Variants in TBC1D32 observed in about 807,000 individuals in gnomAD.
The protein encoded by TBC1D32 is protein broad-minded.
In TBC1D32, 151 loss-of-function variants were observed where a neutral mutation model predicts 170.3. The ratio of observed to expected loss-of-function variants is 0.89; its 90% confidence interval spans 0.78 to 1.01. The LOEUF (loss-of-function observed/expected upper bound fraction) is 1.01. TBC1D32 is among the 50% of genes least tolerant of loss of function. TBC1D32 has a pLI of 0.00. For synonymous variants in TBC1D32, 498 were observed against 488.0 expected, an observed-to-expected ratio of 1.02 and a Z score of -0.27; for missense variants, 1,464 against 1,457.1, an observed-to-expected ratio of 1.00 and a Z score of -0.08.
At chr6:121,235,710 TC>T (rs1028732933) in intron 20 of TBC1D32, among the ~76,000 whole-genome samples, 3 of 152,214 alleles carry the variant, frequency 2.0e-5, no homozygotes, top group African/African-American at 7.2e-5. Flanking sequence ...ACTCAGTTTT[TC>T]CACATCTCAG....
intron 28 of TBC1D32, 130 bp from the exon 29 acceptor site, chr6:121,112,789 T>C: frequency 1.1e-6 from 1 of 901,276 alleles, no homozygotes; most frequent in Non-Finnish European, 1.6e-6. Flanking sequence ...AAACTTAGTT[T>C]TTAAATATTC....
chr6:121,091,045 TA>T lies in TBC1D32; in HGVS notation c.3466-5del, dbSNP rs397887772. The T allele has an allele frequency of 9.4e-3, 11,458 of 1,216,078 alleles. No individual in the cohort carries two copies. The highest frequency in any genetic ancestry group is 0.019 in the South Asian group (1,146 of 61,232). The allele number at this position is 1,216,078 out of a possible 1,614,324, so 75.3% of individuals were successfully genotyped here. On this transcript the variant is annotated splice_polypyrimidine_tract_variant and splice_region_variant and intron_variant, in intron 30 of 31. Transcript: ENST00000398212. ...GGGTTATCCATTGCAGGCAAATCTT[TA>T]AAAAAAAAAAGTAGTAAGTTCATTA...
At chr6:121,082,070 T>C (rs1225815149) in intron 31 of TBC1D32, among the ~76,000 whole-genome samples, 1 of 152,090 alleles carries the variant, frequency 6.6e-6, no homozygotes, top group African/African-American at 2.4e-5. Context: ...AATTGTGAAA[T>C]TATTTCAATC....
chr6:121,317,419 G>T, intron 3 of TBC1D32, 76 bp downstream of exon 3: 2 of 1,190,852 alleles, frequency 1.7e-6, no homozygotes, highest in South Asian at 2.3e-5. Context: ...GAAAAATATG[G>T]CTAAGAAATA....
chr6:121,200,484 A>T (rs9401378), intron 22 of TBC1D32, among the ~76,000 whole-genome samples: 1 of 151,336 alleles, frequency 6.6e-6, no homozygotes, highest in African/African-American at 2.5e-5. Context: ...GGTTAAGAAA[A>T]GTTTAAGCTG....
rs568063843 is a variant in TBC1D32, at chr6:121,085,377, A to G, written c.3655-4487T>C. On this transcript the variant is annotated intron_variant, in intron 31 of 31. Transcript: ENST00000398212. ...TATATATACATATATATATGTGTAT[A>G]TATATATATATATTCTTCTTGATCA... Among the ~76,000 whole-genome samples the G allele has an allele frequency of 2.5e-3, 356 of 140,932 alleles. 4 individuals carry two copies. Among genetic ancestry groups the G allele is most frequent in the African/African-American group, 8.8e-3 (324 of 36,992 alleles). The allele number at this position is 140,932 out of a possible 152,430, so 92.5% of individuals were successfully genotyped here.
chr6:121,295,513 C>T (rs1366970110), intron 10 of TBC1D32, among the ~76,000 whole-genome samples: 1 of 151,854 alleles, frequency 6.6e-6, no homozygotes, highest in East Asian at 1.9e-4. Flanking sequence ...AATAGACCAG[C>T]AACTGTATCT....
chr6:121,145,632 G>A (rs1471484345), intron 24 of TBC1D32, among the ~76,000 whole-genome samples: 4 of 152,152 alleles, frequency 2.6e-5, no homozygotes, highest in Admixed American at 1.3e-4. Flanking sequence ...AAATAAGCAT[G>A]TGAGATTATG....
intron 30 of TBC1D32, among the ~76,000 whole-genome samples, chr6:121,096,816 C>A (rs1266018575): frequency 1.3e-5 from 2 of 152,048 alleles, no homozygotes; most frequent in Non-Finnish European, 2.9e-5. Context: ...GCTACAGTAA[C>A]CAAAACAACA....
intron 22 of TBC1D32, among the ~76,000 whole-genome samples, chr6:121,197,532 C>T (rs1790896812): frequency 6.6e-6 from 1 of 152,144 alleles, no homozygotes; most frequent in Non-Finnish European, 1.5e-5. Context: ...ACATTATCTT[C>T]ATTTTATTTC....
At chr6:121,277,885 A>G (rs1234828934) in intron 15 of TBC1D32, among the ~76,000 whole-genome samples, 1 of 151,960 alleles carries the variant, frequency 6.6e-6, no homozygotes, top group Non-Finnish European at 1.5e-5. Flanking sequence ...TAAGAAAAAA[A>G]AAAAGAGAAG....
chr6:121,173,279 G>T (rs1787316377), intron 22 of TBC1D32, among the ~76,000 whole-genome samples: 2 of 152,140 alleles, frequency 1.3e-5, no homozygotes, highest in African/African-American at 4.8e-5. Context: ...TTCAGCTTTG[G>T]GACTCAGACT....
At chr6:121,216,240 C>T (rs1000057540) in intron 21 of TBC1D32, among the ~76,000 whole-genome samples, 7 of 152,180 alleles carry the variant, frequency 4.6e-5, no homozygotes, top group Non-Finnish European at 8.8e-5. Context: ...ATCTTTCTCC[C>T]GTGATGAATG....
At chr6:121,323,476 CT>C (rs1810032102) in intron 1 of TBC1D32, among the ~76,000 whole-genome samples, 1 of 152,138 alleles carries the variant, frequency 6.6e-6, no homozygotes, top group Admixed American at 6.6e-5. Flanking sequence ...TAAATATTTG[CT>C]GAATTTATAA....
rs138912243 is a variant in TBC1D32, at chr6:121,324,368, A to C, written c.156-2574T>G. On this transcript the variant is annotated intron_variant, in intron 1 of 31. Transcript: ENST00000398212. Reference sequence around the variant, plus strand: ...CTTAAATATTTTAATTATTGATTGAATTTTCTTTAAAATGTTCAATATTTA... The same window carrying C: ...CTTAAATATTTTAATTATTGATTGACTTTTCTTTAAAATGTTCAATATTTA... Among the ~76,000 whole-genome samples the C allele has an allele frequency of 9.9e-5, 15 of 152,232 alleles. No homozygotes were observed. The East Asian group carries it at 2.3e-3, about 23-fold the overall frequency.
intron 20 of TBC1D32, among the ~76,000 whole-genome samples, chr6:121,231,306 T>C (rs927534053): frequency 2.6e-5 from 4 of 152,178 alleles, no homozygotes; most frequent in African/African-American, 9.7e-5. Flanking sequence ...TATACCGTAT[T>C]TTCTTTACTC....
At chr6:121,272,486 C>T (rs1292270211) in intron 15 of TBC1D32, among the ~76,000 whole-genome samples, 1 of 152,140 alleles carries the variant, frequency 6.6e-6, no homozygotes. Flanking sequence ...GACATTTATG[C>T]AGCCCACAGA....
At chr6:121,119,433 A>G (rs1401166601) in intron 26 of TBC1D32, among the ~76,000 whole-genome samples, 3 of 152,162 alleles carry the variant, frequency 2.0e-5, no homozygotes, top group African/African-American at 7.2e-5. Context: ...GGTGTTTAAG[A>G]ATATTTAATT....
chr6:121,118,989 C>T (rs1779973668), intron 26 of TBC1D32, among the ~76,000 whole-genome samples: 1 of 152,020 alleles, frequency 6.6e-6, no homozygotes. Context: ...AGACTTTTCC[C>T]CTCTTCTCTT....
Sources: allele counts gnomAD v4.1 joint callset (sites outside exome capture counted in the v4.1 genomes callset), GRCh38; gene constraint gnomAD v4.1.1; transcripts MANE v1.5; gene names NCBI Gene and HGNC (gene_info 2026-07-23, HGNC 2026-07-21).